Variants in KCNK13 observed in about 807,000 individuals in gnomAD.
The protein encoded by KCNK13 is potassium channel subfamily K member 13.
Under a neutral mutation model 23.4 loss-of-function variants are expected in KCNK13, and 12 were observed. That is an observed-to-expected ratio of 0.51 (90% CI 0.33 to 0.83). The LOEUF (loss-of-function observed/expected upper bound fraction) is 0.83. KCNK13 is among the 40% of genes least tolerant of loss of function. The pLI, the probability that KCNK13 is intolerant of heterozygous loss-of-function variation, is 0.02. For missense variants in KCNK13, 463 were observed against 556.3 expected (o/e 0.83, Z 1.69); for synonymous variants, 231 against 229.5 (o/e 1.01, Z -0.06).
intron 1 of KCNK13, among the ~76,000 whole-genome samples, chr14:90,107,523 G>T (rs1240269089): frequency 6.6e-6 from 1 of 152,176 alleles, no homozygotes; most frequent in Non-Finnish European, 1.5e-5. Context: ...TCAACTTATA[G>T]GGCAGTTGCC....
intron 1 of KCNK13, among the ~76,000 whole-genome samples, chr14:90,139,251 A>G (rs1889974846): frequency 1.3e-5 from 2 of 152,220 alleles, no homozygotes; most frequent in African/African-American, 2.4e-5. Flanking sequence ...GCAGCTGGGG[A>G]GCGGGGCAGG....
At position 90,062,624 on chromosome 14, in the gene KCNK13, A is replaced by T; in HGVS notation, c.334+85A>T. 1 of 1,048,278 alleles carries T rather than the reference A, an allele frequency of 9.5e-7. No individual in the cohort carries two copies. Among genetic ancestry groups the T allele is most frequent in the South Asian group, 1.9e-5 (1 of 51,564 alleles). 64.9% of individuals were successfully genotyped at this position (1,048,278 alleles called of 1,614,324 possible). On this transcript the variant is annotated intron_variant, in intron 1 of 1. Transcript: ENST00000282146. The surrounding 1 kb of genome is among the most constrained non-coding windows in gnomAD (Gnocchi z 4.5). ...GCAGGACCGACCCTCTCATCCTTTC[A>T]TTCATCCATCTGGGCGCCCAGCCAG...
At chr14:90,118,398 G>A (rs1458804601) in intron 1 of KCNK13, among the ~76,000 whole-genome samples, 1 of 152,098 alleles carries the variant, frequency 6.6e-6, no homozygotes, top group Admixed American at 6.5e-5. Flanking sequence ...TTACAAGTAT[G>A]TTCTTTTTCA....
chr14:90,073,835 T>C (rs1346708026), intron 1 of KCNK13, among the ~76,000 whole-genome samples: 2 of 152,084 alleles, frequency 1.3e-5, no homozygotes, highest in Non-Finnish European at 2.9e-5. Flanking sequence ...CACGCCCAGC[T>C]AATTTTTCTA....
chr14:90,183,844 T>G (rs1273445100), intron 1 of KCNK13, among the ~76,000 whole-genome samples: 1 of 152,164 alleles, frequency 6.6e-6, no homozygotes. Context: ...CAAGCCATTT[T>G]TTGCTGGCTG....
chr14:90,094,152 G>A (rs1889381499), intron 1 of KCNK13, among the ~76,000 whole-genome samples: 1 of 152,094 alleles, frequency 6.6e-6, no homozygotes, highest in African/African-American at 2.4e-5. Context: ...GCACAAGGCT[G>A]GCATGCCATA....
At chr14:90,157,208 C>G (rs745523403) in intron 1 of KCNK13, among the ~76,000 whole-genome samples, 1 of 152,114 alleles carries the variant, frequency 6.6e-6, no homozygotes, top group Non-Finnish European at 1.5e-5. Context: ...TTTTGACATA[C>G]TTTGATAATT....
chr14:90,164,894 C>T (rs1299119929), intron 1 of KCNK13, among the ~76,000 whole-genome samples: 3 of 152,132 alleles, frequency 2.0e-5, no homozygotes, highest in Non-Finnish European at 4.4e-5. Flanking sequence ...TTATACTGCT[C>T]GTTCATTTCT....
intron 1 of KCNK13, among the ~76,000 whole-genome samples, chr14:90,153,710 G>A (rs548278467): frequency 6.6e-6 from 1 of 152,324 alleles, no homozygotes; most frequent in South Asian, 2.1e-4. Flanking sequence ...GTACTGAAAA[G>A]GGATCATGAG....
At chr14:90,107,347 G>A (rs186329023) in intron 1 of KCNK13, among the ~76,000 whole-genome samples, 27 of 151,990 alleles carry the variant, frequency 1.8e-4, no homozygotes, top group African/African-American at 5.3e-4. Context: ...GCGTGGTGGC[G>A]GGCGCCTGTA....
chr14:90,084,000 C>T (rs1286901), intron 1 of KCNK13, among the ~76,000 whole-genome samples: 95,817 of 151,968 alleles, frequency 0.63, 30,443 homozygotes, highest in African/African-American at 0.7. Context: ...ATGAAATTGA[C>T]ATCTGGACTC....
intron 1 of KCNK13, among the ~76,000 whole-genome samples, chr14:90,072,419 A>G (rs986142256): frequency 2.0e-5 from 3 of 152,122 alleles, no homozygotes; most frequent in Non-Finnish European, 4.4e-5. Context: ...CAGCCCCAAC[A>G]CAGGCATTCA....
Position 90,126,241 on chromosome 14 carries a change from G to A in KCNK13, c.335-57870G>A, listed in dbSNP as rs181532421. ...AATTATTTCACCCTCAAGGAAGTGG[G>A]CCATGAACTCCCCACTCCTAAGTGT... is the stretch of plus-strand genomic sequence containing the variant. On this transcript the variant is annotated intron_variant, in intron 1 of 1. Coordinates refer to ENST00000282146, the MANE Select transcript of KCNK13 (RefSeq NM_022054.4). 3.3e-5 allele frequency among the ~76,000 whole-genome samples: 5 copies of A among 152,114 alleles called. No homozygotes were observed. In the East Asian group the frequency reaches 9.7e-4, roughly 29 times the overall value.
At chr14:90,182,871 G>T (rs1890504130) in intron 1 of KCNK13, among the ~76,000 whole-genome samples, 2 of 150,836 alleles carry the variant, frequency 1.3e-5, no homozygotes, top group Admixed American at 6.6e-5. Context: ...ATTTTAATAA[G>T]AAACTGACTC....
At chr14:90,113,236 A>T (rs11628144) in intron 1 of KCNK13, among the ~76,000 whole-genome samples, 10,220 of 151,646 alleles carry the variant, frequency 0.067, 433 homozygotes, top group South Asian at 0.15. Context: ...TTTTTTTTTT[A>T]AATGGAAAAA....
At chr14:90,099,729 G>A (rs556165689) in intron 1 of KCNK13, among the ~76,000 whole-genome samples, 121 of 152,190 alleles carry the variant, frequency 8.0e-4, no homozygotes, top group Non-Finnish European at 1.3e-3. Context: ...TGACCACACA[G>A]CAGATAAACA....
At chr14:90,164,599 T>G (rs7158301) in intron 1 of KCNK13, among the ~76,000 whole-genome samples, 36,393 of 152,086 alleles carry the variant, frequency 0.24, 5,711 homozygotes, top group East Asian at 0.64. Flanking sequence ...TTTCTTGGAG[T>G]TTGTAGGTTA....
Position 90,184,900 on chromosome 14 carries a change from CCCACCAGA to C in KCNK13, c.1128_1135del (p.His376GlnfsTer8). ...CTGTCTGAGATGGCCAACGGCTGCCCCCACCAGACCAGCACACTGGCCCGGGACAATGA... is the reference window on the plus strand; with the variant it reads ...CTGTCTGAGATGGCCAACGGCTGCCCCCAGCACACTGGCCCGGGACAATGA... On this transcript the variant is annotated frameshift_variant, in exon 2 of 2. Coordinates refer to ENST00000282146, the MANE Select transcript of KCNK13 (RefSeq NM_022054.4). LOFTEE classifies it high-confidence loss of function. The surrounding 1 kb of genome is among the most constrained non-coding windows in gnomAD (Gnocchi z 5.6). The C allele has an allele frequency of 6.2e-7, 1 of 1,613,872 alleles. No homozygotes were observed. Among genetic ancestry groups the C allele is most frequent in the Non-Finnish European group, 8.5e-7 (1 of 1,179,960 alleles).
At chr14:90,131,672 C>T (rs969283350) in intron 1 of KCNK13, among the ~76,000 whole-genome samples, 3 of 152,210 alleles carry the variant, frequency 2.0e-5, no homozygotes, top group Non-Finnish European at 2.9e-5. Context: ...GGACTATAGG[C>T]GTAAGCCATC....
Sources: allele counts gnomAD v4.1 joint callset (sites outside exome capture counted in the v4.1 genomes callset), GRCh38; gene constraint gnomAD v4.1.1; non-coding constraint Gnocchi (gnomAD v3.1); transcripts MANE v1.5; gene names NCBI Gene and HGNC (gene_info 2026-07-23, HGNC 2026-07-21).